The following NNT variants were observed in gnomAD, a reference collection of about 807,000 sequenced individuals.
NNT encodes the protein nicotinamide nucleotide transhydrogenase.
In NNT, 50 loss-of-function variants were observed where a neutral mutation model predicts 104.8. The ratio of observed to expected loss-of-function variants is 0.48; its 90% CI spans 0.38 to 0.60. NNT has a LOEUF of 0.60. NNT is among the 20% of genes least tolerant of loss of function. The pLI, the probability that NNT is intolerant of heterozygous loss-of-function variation, is 0.00. For missense variants in NNT, 1,131 were observed against 1,330.7 expected, an observed-to-expected ratio of 0.85 and a Z score of 2.33; for synonymous variants, 461 against 490.4, an observed-to-expected ratio of 0.94 and a Z score of 0.79.
At chr5:43,643,333 CT>C (rs1194023752) in intron 7 of NNT, among the ~76,000 whole-genome samples, 1 of 152,150 alleles carries the variant, frequency 6.6e-6, no homozygotes, top group African/African-American at 2.4e-5. Flanking sequence ...GTATAAGCCC[CT>C]GTTGAACATA....
intron 19 of NNT, among the ~76,000 whole-genome samples, chr5:43,682,444 C>G (rs1306300881): frequency 6.6e-6 from 1 of 152,166 alleles, no homozygotes; most frequent in African/African-American, 2.4e-5. Context: ...CTCCTGACCT[C>G]AGGTGATCTG....
At chr5:43,684,393 T>C (rs1270762984) in intron 19 of NNT, among the ~76,000 whole-genome samples, 1 of 152,092 alleles carries the variant, frequency 6.6e-6, no homozygotes, top group Admixed American at 6.6e-5. Flanking sequence ...TCACTATGAA[T>C]TATATGAGTG....
At chr5:43,681,881 G>A (rs1483420401) in intron 19 of NNT, among the ~76,000 whole-genome samples, 1 of 152,172 alleles carries the variant, frequency 6.6e-6, no homozygotes, top group Non-Finnish European at 1.5e-5. Context: ...ATCAATCAAT[G>A]AATGAATTCC....
intron 5 of NNT, among the ~76,000 whole-genome samples, chr5:43,620,367 C>T (rs1000072182): frequency 3.3e-5 from 5 of 151,988 alleles, no homozygotes; most frequent in African/African-American, 9.7e-5. Context: ...CTATGGGCGC[C>T]GGCCACCATG....
At chr5:43,700,614 T>A (rs1742798530) in intron 20 of NNT, among the ~76,000 whole-genome samples, 1 of 152,230 alleles carries the variant, frequency 6.6e-6, no homozygotes, top group Admixed American at 6.5e-5. Context: ...GATAATTTAG[T>A]GTCTGATTCT....
chr5:43,699,936 C>T (rs1205892713), intron 19 of NNT, among the ~76,000 whole-genome samples, 183 bp from the exon 20 acceptor site: 2 of 152,148 alleles, frequency 1.3e-5, no homozygotes, highest in Admixed American at 6.5e-5. Flanking sequence ...GAAACTTCAG[C>T]TTCAATATTT....
intron 4 of NNT, among the ~76,000 whole-genome samples, chr5:43,616,309 C>T (rs1296979821): frequency 6.6e-6 from 1 of 152,032 alleles, no homozygotes; most frequent in African/African-American, 2.4e-5. Context: ...TTTCCATTCA[C>T]CAAAGCAAAT....
chr5:43,612,021 C>G (rs991851458), intron 2 of NNT, among the ~76,000 whole-genome samples: 1 of 152,202 alleles, frequency 6.6e-6, no homozygotes, highest in Non-Finnish European at 1.5e-5. Flanking sequence ...AACCCCCCAT[C>G]TACTCCTTGG....
At chr5:43,614,011 G>T (rs187123142) in intron 3 of NNT, among the ~76,000 whole-genome samples, 171 of 152,218 alleles carry the variant, frequency 1.1e-3, no homozygotes, top group Admixed American at 2.0e-3. Flanking sequence ...AAAATTTGTG[G>T]CATGGGGGTT....
rs568986202 is a variant in NNT at position 43,648,246 on chromosome 5, C to G, written c.1445-901C>G. The G allele has an allele frequency of 8.2e-5, 85 of 1,031,874 alleles. 1 individual carries two copies. Among genetic ancestry groups the G allele is most frequent in the South Asian group, 6.9e-4 (19 of 27,646 alleles). The allele number at this position is 1,031,874 out of a possible 1,614,324, so 63.9% of individuals were successfully genotyped here. A position where few individuals can be genotyped will look rare whatever the true frequency, so the allele number is the denominator to read the frequency against. On this transcript the variant is annotated intron_variant, in intron 10 of 21. Coordinates refer to ENST00000344920, the MANE Select transcript of NNT (RefSeq NM_182977.3). Reference sequence around the variant, plus strand: ...TTTAATGTAAAATTAATGTCAATCCCTAGATATTCCAGTGGTGCCACTTCC... The same window carrying G: ...TTTAATGTAAAATTAATGTCAATCCGTAGATATTCCAGTGGTGCCACTTCC...
intron 4 of NNT, among the ~76,000 whole-genome samples, chr5:43,617,377 A>G (rs1387513166): frequency 6.6e-6 from 1 of 152,144 alleles, no homozygotes; most frequent in African/African-American, 2.4e-5. Flanking sequence ...CCTACTCTCC[A>G]TCTCATCCAC....
intron 13 of NNT, among the ~76,000 whole-genome samples, chr5:43,652,336 T>C (rs191115509): frequency 2.6e-4 from 39 of 152,276 alleles, no homozygotes; most frequent in African/African-American, 7.9e-4. Flanking sequence ...AAAAAATCCA[T>C]AAAGAAAAGG....
chr5:43,648,019 A>C (rs73751792), intron 10 of NNT: 11,678 of 1,019,368 alleles, frequency 0.011, 369 homozygotes, highest in African/African-American at 0.1. Flanking sequence ...AGGGAGCAGC[A>C]GAACCAGGAT....
rs988768892 is a variant in NNT, at chr5:43,706,674, A to C, written c.*2270A>C. 3 of 152,246 alleles carry C rather than the reference A, an allele frequency of 2.0e-5. No individual in the cohort carries two copies. In the East Asian group the frequency reaches 5.8e-4, roughly 29 times the overall value. The allele number at this position is 152,246 out of a possible 1,614,324, so 9.4% of individuals were successfully genotyped here. On this transcript the variant is annotated 3_prime_UTR_variant, in exon 22 of 22. Transcript: ENST00000344920. Reference sequence around the variant, plus strand: ...CTGCTATAAAGACACATGCACACGTATGTTTATTGCAGCACTATTCACAAT... The same window carrying C: ...CTGCTATAAAGACACATGCACACGTCTGTTTATTGCAGCACTATTCACAAT...
chr5:43,629,793 T>A (rs1750582626), intron 7 of NNT, among the ~76,000 whole-genome samples: 1 of 152,234 alleles, frequency 6.6e-6, no homozygotes, highest in Non-Finnish European at 1.5e-5. Flanking sequence ...AATTGTCTAT[T>A]CATGTCCTTT....
intron 1 of NNT, among the ~76,000 whole-genome samples, chr5:43,605,601 C>T (rs1277301369): frequency 2.2e-5 from 3 of 138,908 alleles, no homozygotes; most frequent in Non-Finnish European, 4.6e-5. Context: ...TTTCTTATTG[C>T]TTCAAAGCCA....
rs1159869404 is a variant in NNT, at chr5:43,707,149, A to AT, written c.*2746dup. The AT allele has an allele frequency of 6.6e-6, 1 of 152,178 alleles. No individual in the cohort carries two copies. The highest frequency in any genetic ancestry group is 2.4e-5 in the African/African-American group (1 of 41,446). 9.4% of individuals were successfully genotyped at this position (152,178 alleles called of 1,614,324 possible). On this transcript the variant is annotated 3_prime_UTR_variant, in exon 22 of 22. Transcript: ENST00000344920. Reference sequence around the variant, plus strand: ...AAAAAAAAGAAAACAGAAGCTATTTATAAAGAAGTTATTTGCTGAAATAAA... The same window carrying AT: ...AAAAAAAAGAAAACAGAAGCTATTTATTAAAGAAGTTATTTGCTGAAATAAA...
At chr5:43,679,486 A>G (rs1741591456) in intron 19 of NNT, among the ~76,000 whole-genome samples, 1 of 152,214 alleles carries the variant, frequency 6.6e-6, no homozygotes, top group Non-Finnish European at 1.5e-5. Flanking sequence ...AAATAGGTGG[A>G]TGTGGAGTGA....
intron 7 of NNT, among the ~76,000 whole-genome samples, chr5:43,628,953 A>G (rs2111699940): frequency 6.6e-6 from 1 of 151,454 alleles, no homozygotes; most frequent in African/African-American, 2.4e-5. Context: ...TTTTTTCCGA[A>G]GAATAAAACG....
Sources: gnomAD v4.1 joint callset for allele counts (sites outside exome capture counted in the v4.1 genomes callset) on GRCh38, gnomAD v4.1.1 for gene constraint, MANE v1.5 for transcripts, NCBI Gene and HGNC (gene_info 2026-07-23, HGNC 2026-07-21) for gene names.